The following PCSK5 variants were observed in gnomAD, a reference collection of about 807,000 sequenced individuals.
PCSK5 encodes the protein prohormone convertase 5.
PCSK5 carries 129 observed loss-of-function variants against 233.2 expected under a neutral mutation model. The observed-to-expected ratio is 0.55, with a 90% confidence interval of 0.48 to 0.64. PCSK5 has a LOEUF of 0.64. Among genes scored for constraint, PCSK5 ranks in the 30% least tolerant of loss-of-function variants. The pLI is 0.00. For missense variants in PCSK5, 2,076 were observed against 2,430.1 expected (o/e 0.85, Z 3.06); for synonymous variants, 825 against 879.2 (o/e 0.94, Z 1.09).
chr9:76,001,865 G>A (rs1049885198), intron 3 of PCSK5, among the ~76,000 whole-genome samples: 2 of 152,106 alleles, frequency 1.3e-5, no homozygotes, highest in African/African-American at 4.8e-5. Flanking sequence ...ATTCATTCTG[G>A]ACAAGTGAAA....
chr9:75,927,247 G>A (rs1285561963), intron 1 of PCSK5, among the ~76,000 whole-genome samples: 2 of 152,130 alleles, frequency 1.3e-5, no homozygotes, highest in Non-Finnish European at 2.9e-5. Flanking sequence ...TTTGTGAGAT[G>A]TCCATTCAAG....
rs1829666129 is a variant in PCSK5 at position 76,052,514 on chromosome 9, C to T, written c.633-15441C>T. Among the ~76,000 whole-genome samples the T allele has an allele frequency of 2.6e-5, 4 of 152,256 alleles. No individual in the cohort carries two copies. The South Asian group carries it at 8.3e-4, about 32-fold the overall frequency. On this transcript the variant is annotated intron_variant, in intron 5 of 37. Transcript: ENST00000674117. ...ACCTCTCATGAGACTTATTCACTAT[C>T]ATGAGAACAGCATGGGAAAAAATCC...
In PCSK5 at chr9:75,936,658, T is replaced by G. The variant is rs767890334; in HGVS notation, c.297+4175T>G. On this transcript the variant is annotated intron_variant, in intron 2 of 37. Coordinates refer to ENST00000674117, the MANE Select transcript of PCSK5 (RefSeq NM_001372043.1). ...TGGTGTTTCTATCACATATCACATC[T>G]GCAGTGACTTCCTCCACTGAAGTCT... 2.6e-5 allele frequency among the ~76,000 whole-genome samples: 4 copies of G among 152,346 alleles called. No individual in the cohort carries two copies. The East Asian group carries it at 7.7e-4, about 29-fold the overall frequency.
chr9:76,234,200 A>AT (rs1364303542), intron 22 of PCSK5, among the ~76,000 whole-genome samples: 1 of 151,952 alleles, frequency 6.6e-6, no homozygotes, highest in African/African-American at 2.4e-5. Flanking sequence ...TTCATATTTT[A>AT]TTTTTTTCTA....
At chr9:75,892,974 G>A (rs1825674990) in intron 1 of PCSK5, among the ~76,000 whole-genome samples, 1 of 152,166 alleles carries the variant, frequency 6.6e-6, no homozygotes, top group African/African-American at 2.4e-5. Flanking sequence ...CATTCTAAAG[G>A]CTCGTTGGGA....
At chr9:75,912,690 A>G (rs900851435) in intron 1 of PCSK5, among the ~76,000 whole-genome samples, 11 of 152,212 alleles carry the variant, frequency 7.2e-5, no homozygotes, top group Admixed American at 6.5e-4. Context: ...ATTCTCTACT[A>G]CATGATAACA....
At chr9:76,001,829 A>G (rs908083315) in intron 3 of PCSK5, among the ~76,000 whole-genome samples, 6 of 152,200 alleles carry the variant, frequency 3.9e-5, no homozygotes, top group Non-Finnish European at 7.3e-5. Context: ...ATGAAAGATT[A>G]AAGAGATCCA....
At position 76,332,609 on chromosome 9, in the gene PCSK5, G is replaced by C. The variant is rs1368593886; in HGVS notation, c.4747G>C (p.Gly1583Arg). The change falls in exon 34 of 38, where the codon GGA (glycine) becomes CGA (arginine). Residue 1583 changes from glycine to arginine, a missense_variant and splice_region_variant. Gly to Arg is a moderately radical substitution (Grantham distance 125, BLOSUM62 -2). Transcript: ENST00000674117. Reference sequence around the variant, plus strand: ...AGAGTGCCTGCTCCAGTGCAGGGAAGGGTAAGTGCTCAATACATTTTCCCC... The same window carrying C: ...AGAGTGCCTGCTCCAGTGCAGGGAACGGTAAGTGCTCAATACATTTTCCCC... ...GKECLLQCRE[G>R]YYADNSTGRC... 6.4e-7 allele frequency: 1 copy of C among 1,571,496 alleles called. No homozygotes were observed. The highest frequency in any genetic ancestry group is 8.6e-7 in the Non-Finnish European group (1 of 1,157,294).
At chr9:76,156,816 T>A (rs753788136) in intron 10 of PCSK5, among the ~76,000 whole-genome samples, 6 of 152,196 alleles carry the variant, frequency 3.9e-5, no homozygotes, top group Non-Finnish European at 8.8e-5. Context: ...GAGTAACAAT[T>A]CATAAATGAT....
At position 76,149,322 on chromosome 9, in the gene PCSK5, G is replaced by A. The variant is rs186391352; in HGVS notation, c.1313-7723G>A. Among the ~76,000 whole-genome samples, 387 of 152,268 alleles carry A rather than the reference G, an allele frequency of 2.5e-3. 14 individuals are homozygous for A. The highest frequency in any genetic ancestry group is 0.024 in the Admixed American group (369 of 15,296). On this transcript the variant is annotated intron_variant, in intron 10 of 37. Transcript: ENST00000674117. The stretch of plus-strand genomic sequence containing the variant: ...AAGGCTCCTTGTGAGGTCAGCTGAT[G>A]GATGTGTAGCTGGATGAAATAACCA...
At chr9:76,168,647 C>T (rs1180635354) in intron 12 of PCSK5, among the ~76,000 whole-genome samples, 5 of 152,088 alleles carry the variant, frequency 3.3e-5, no homozygotes, top group Non-Finnish European at 7.4e-5. Flanking sequence ...ACTGAAAGAG[C>T]AGGATCTAGG....
intron 3 of PCSK5, among the ~76,000 whole-genome samples, chr9:76,004,672 A>C (rs980119505): frequency 6.6e-6 from 1 of 152,190 alleles, no homozygotes; most frequent in Non-Finnish European, 1.5e-5. Flanking sequence ...ATTCTATTCA[A>C]GAGTGATGAT....
intron 20 of PCSK5, among the ~76,000 whole-genome samples, chr9:76,192,071 A>AAC (rs1159112628): frequency 6.7e-6 from 1 of 149,960 alleles, no homozygotes; most frequent in Non-Finnish European, 1.5e-5. Context: ...CTGTCTCAAA[A>AAC]AAAAAAAAAA....
chr9:75,933,429 C>T (rs533498123), intron 2 of PCSK5, among the ~76,000 whole-genome samples: 6 of 152,218 alleles, frequency 3.9e-5, no homozygotes, highest in South Asian at 4.1e-4. Flanking sequence ...GCCTTAAGAA[C>T]TCATTTTCAA....
chr9:76,296,580 C>T (rs1828444039), intron 26 of PCSK5, 85 bp from the exon 27 acceptor site: 2 of 782,518 alleles, frequency 2.6e-6, no homozygotes, highest in East Asian at 5.3e-5. Context: ...GAAAAATGTC[C>T]CTAAAATTTC....
intron 1 of PCSK5, among the ~76,000 whole-genome samples, chr9:75,924,351 A>G (rs1205080792): frequency 3.9e-5 from 6 of 152,144 alleles, no homozygotes; most frequent in Admixed American, 1.3e-4. Context: ...ACTTGAAACT[A>G]AAGTCTAAAA....
rs561397083 is a variant in PCSK5 at position 76,038,857 on chromosome 9, C to T, written c.632+11820C>T. ...CCATCATTTTGACTTTTTTCCAATG[C>T]GGAGATGCCACAGCAACTGGGGTTT... On this transcript the variant is annotated intron_variant, in intron 5 of 37. Transcript: ENST00000674117. Among the ~76,000 whole-genome samples, 8 of 152,142 alleles carry T rather than the reference C, an allele frequency of 5.3e-5. No homozygotes were observed. In the South Asian group the frequency reaches 1.0e-3, roughly 20 times the overall value.
intron 2 of PCSK5, among the ~76,000 whole-genome samples, chr9:75,984,806 A>AT (rs892959394): frequency 2.6e-5 from 4 of 152,296 alleles, no homozygotes; most frequent in African/African-American, 7.2e-5. Context: ...GATCCCTTAG[A>AT]TTTTTTTGAA....
At chr9:76,006,652 CT>C (rs1827490511) in intron 3 of PCSK5, among the ~76,000 whole-genome samples, 1 of 152,132 alleles carries the variant, frequency 6.6e-6, no homozygotes, top group South Asian at 2.1e-4. Context: ...TGGTTCCCTC[CT>C]TTGCTTTTAT....
Sources: allele counts gnomAD v4.1 joint callset (sites outside exome capture counted in the v4.1 genomes callset), GRCh38; gene constraint gnomAD v4.1.1; transcripts MANE v1.5; gene names NCBI Gene and HGNC (gene_info 2026-07-23, HGNC 2026-07-21).